Variants in PABPC4L observed in about 807,000 individuals in gnomAD.
The protein encoded by PABPC4L is poly(A) binding protein cytoplasmic 4 like.
For synonymous variants in PABPC4L, 169 were observed against 164.1 expected, an observed-to-expected ratio of 1.03 and a Z score of -0.23; for missense variants, 452 against 451.4, an observed-to-expected ratio of 1.00 and a Z score of -0.01.
At chr4:133,952,642 T>G in the PABPC4L span, among the ~76,000 whole-genome samples, 1 of 152,262 alleles carries the variant, frequency 6.6e-6, no homozygotes, top group African/African-American at 2.4e-5. Context: ...TTTAGTTCAA[T>G]TTGTAAGGGT....
the PABPC4L span, among the ~76,000 whole-genome samples, chr4:134,111,949 G>A: frequency 2.2e-4 from 34 of 151,980 alleles, no homozygotes; most frequent in Admixed American, 2.1e-3. Flanking sequence ...TTAGGAAAAG[G>A]TAACCAGAAA....
the PABPC4L span, among the ~76,000 whole-genome samples, chr4:134,127,663 C>A: frequency 3.3e-5 from 5 of 152,054 alleles, no homozygotes; most frequent in African/African-American, 1.2e-4. Context: ...GTCCTTGAGT[C>A]CCGGATCTTC....
the PABPC4L span, among the ~76,000 whole-genome samples, chr4:134,173,159 C>CAA: frequency 0.18 from 14,352 of 77,608 alleles, 1,497 homozygotes; most frequent in Non-Finnish European, 0.24. Flanking sequence ...GGAGATTCCT[C>CAA]AAAAAAAAAA....
the PABPC4L span, among the ~76,000 whole-genome samples, chr4:134,103,528 T>C: frequency 2.1e-3 from 323 of 151,684 alleles, 1 homozygote; most frequent in Middle Eastern, 6.8e-3. Context: ...CTTAAAAAGA[T>C]GCCAATCATA....
the PABPC4L span, among the ~76,000 whole-genome samples, chr4:133,964,741 GA>G: frequency 6.6e-6 from 1 of 152,052 alleles, no homozygotes; most frequent in Admixed American, 6.6e-5. Context: ...AATAGATACA[GA>G]AAAAGCATTT....
chr4:134,089,637 T>C, the PABPC4L span, among the ~76,000 whole-genome samples: 2 of 152,148 alleles, frequency 1.3e-5, no homozygotes, highest in Non-Finnish European at 2.9e-5. Context: ...TCTACAGTTA[T>C]CCTTTGAACA....
chr4:133,954,849 G>T, the PABPC4L span, among the ~76,000 whole-genome samples: 2 of 152,144 alleles, frequency 1.3e-5, no homozygotes, highest in African/African-American at 4.8e-5. Context: ...TAGTGAACGA[G>T]CTGGTTAATG....
the PABPC4L span, among the ~76,000 whole-genome samples, chr4:134,172,526 G>C: frequency 1.3e-5 from 2 of 151,896 alleles, no homozygotes; most frequent in South Asian, 2.1e-4. Context: ...TAGATAAAAG[G>C]CTTAAATGTA....
the PABPC4L span, among the ~76,000 whole-genome samples, chr4:134,110,085 C>T: frequency 6.6e-6 from 1 of 151,876 alleles, no homozygotes; most frequent in African/African-American, 2.4e-5. Flanking sequence ...GAGGAAAATA[C>T]TTGACAAAGG....
At chr4:133,959,172 C>A in the PABPC4L span, among the ~76,000 whole-genome samples, 5 of 152,064 alleles carry the variant, frequency 3.3e-5, no homozygotes, top group African/African-American at 1.2e-4. Context: ...CTTTAAGTAT[C>A]ACTGTATGCC....
chr4:134,126,192 T>A, the PABPC4L span, among the ~76,000 whole-genome samples: 1 of 152,130 alleles, frequency 6.6e-6, no homozygotes, highest in African/African-American at 2.4e-5. Flanking sequence ...ATCATTTGCC[T>A]ACTTACAAAC....
the PABPC4L span, among the ~76,000 whole-genome samples, chr4:134,050,034 G>A: frequency 6.6e-6 from 1 of 152,140 alleles, no homozygotes; most frequent in Admixed American, 6.6e-5. Context: ...TAATTAAGCA[G>A]TTTGATATGT....
At chr4:133,962,826 C>A in the PABPC4L span, among the ~76,000 whole-genome samples, 6 of 152,070 alleles carry the variant, frequency 3.9e-5, no homozygotes, top group Non-Finnish European at 8.8e-5. Flanking sequence ...CACTACCAAG[C>A]CAACACTACA....
Position 134,200,213 on chromosome 4 carries a change from G to T in PABPC4L, c.807C>A (p.Val269=), listed in dbSNP as rs2044116. The T allele has an allele frequency of 0.36, 561,244 of 1,551,384 alleles. 118,390 individuals are homozygous for T. The highest frequency in any genetic ancestry group is 0.99 in the East Asian group (40,394 of 40,912). The part of the protein sequence containing the change: ...LIFVGRAQKK[V]ERQAELKQMF... ...TTTGCTTTAACTCAGCCTGTCGCTC[G>T]ACTTTCTTTTGAGCCCGGCCTACAA... The change falls in exon 2 of 2, where the codon GTC becomes GTA. Residue 269 remains valine, a synonymous_variant. Coordinates refer to ENST00000421491, the MANE Select transcript of PABPC4L (RefSeq NM_001114734.2).
chr4:134,094,742 T>C, the PABPC4L span, among the ~76,000 whole-genome samples: 5 of 151,674 alleles, frequency 3.3e-5, no homozygotes, highest in Non-Finnish European at 7.4e-5. Context: ...AGGTAGCATT[T>C]TTCTTTTAAA....
At chr4:134,178,342 A>C in the PABPC4L span, among the ~76,000 whole-genome samples, 1 of 141,320 alleles carries the variant, frequency 7.1e-6, no homozygotes, top group African/African-American at 2.7e-5. Context: ...TTAACCCCTC[A>C]AGGGTATTAA....
chr4:134,176,679 G>A, the PABPC4L span, among the ~76,000 whole-genome samples: 2 of 151,988 alleles, frequency 1.3e-5, no homozygotes, highest in African/African-American at 2.4e-5. Flanking sequence ...AGGCAGCAGG[G>A]GGACACAGAA....
At chr4:134,089,501 T>C in the PABPC4L span, among the ~76,000 whole-genome samples, 5 of 152,152 alleles carry the variant, frequency 3.3e-5, no homozygotes, top group African/African-American at 1.2e-4. Flanking sequence ...TATAATATCA[T>C]ATAGAGTAGT....
chr4:134,083,364 T>C, the PABPC4L span, among the ~76,000 whole-genome samples: 1 of 151,996 alleles, frequency 6.6e-6, no homozygotes, highest in South Asian at 2.1e-4. Context: ...AAACATATCA[T>C]GGCATTGTTT....
Sources: allele counts gnomAD v4.1 joint callset (sites outside exome capture counted in the v4.1 genomes callset), GRCh38; gene constraint gnomAD v4.1.1; transcripts MANE v1.5; gene names NCBI Gene and HGNC (gene_info 2026-07-23, HGNC 2026-07-21).